Variants in WWC1 observed in about 807,000 individuals in gnomAD.
The protein encoded by WWC1 is protein KIBRA.
Under a neutral mutation model 138.4 loss-of-function variants are expected in WWC1, and 55 were observed. That is an observed-to-expected ratio of 0.40 (90% confidence interval 0.32 to 0.50). The LOEUF (loss-of-function observed/expected upper bound fraction) is 0.50. WWC1 is among the 20% of genes least tolerant of loss of function. The pLI, the probability that WWC1 is intolerant of heterozygous loss-of-function variation, is 0.72. For synonymous variants in WWC1, 524 were observed against 564.9 expected, an observed-to-expected ratio of 0.93 and a Z score of 1.03; for missense variants, 1,226 against 1,420.4, an observed-to-expected ratio of 0.86 and a Z score of 2.20.
At chr5:168,325,380 C>G (rs1772446452) in intron 1 of WWC1, among the ~76,000 whole-genome samples, 2 of 152,156 alleles carry the variant, frequency 1.3e-5, no homozygotes, top group Admixed American at 1.3e-4. Flanking sequence ...TTGTCAGTCT[C>G]TGGGAACTCT....
At chr5:168,303,290 G>C (rs978677404) in intron 1 of WWC1, among the ~76,000 whole-genome samples, 2 of 152,112 alleles carry the variant, frequency 1.3e-5, no homozygotes, top group African/African-American at 4.8e-5. Flanking sequence ...GGTTTTTCTT[G>C]TTCATTAAGA....
chr5:168,363,518 C>G (rs1295839226), intron 1 of WWC1, among the ~76,000 whole-genome samples: 1 of 78,388 alleles, frequency 1.3e-5, no homozygotes, highest in Non-Finnish European at 2.2e-5. Flanking sequence ...GAGCCAGACT[C>G]TGTCTCAAAA....
intron 1 of WWC1, among the ~76,000 whole-genome samples, chr5:168,366,673 A>C (rs1776314758): frequency 6.6e-6 from 1 of 152,132 alleles, no homozygotes; most frequent in South Asian, 2.1e-4. Context: ...AGGCTGGAAC[A>C]ATCAGTGGAG....
intron 1 of WWC1, among the ~76,000 whole-genome samples, chr5:168,361,522 A>C (rs558370137): frequency 1.3e-5 from 2 of 152,300 alleles, no homozygotes; most frequent in Non-Finnish European, 2.9e-5. Flanking sequence ...GGAAAATGCT[A>C]TCAATACCTA....
chr5:168,398,262 C>G (rs1473138215), intron 4 of WWC1, among the ~76,000 whole-genome samples: 1 of 151,946 alleles, frequency 6.6e-6, no homozygotes, highest in Non-Finnish European at 1.5e-5. Context: ...CGCCACCACA[C>G]CTGGCTAATT....
At chr5:168,319,476 A>G (rs138323148) in intron 1 of WWC1, among the ~76,000 whole-genome samples, 2 of 152,308 alleles carry the variant, frequency 1.3e-5, no homozygotes, top group East Asian at 3.9e-4. Context: ...TGTTAGGTAC[A>G]TACCCAGAAG....
At chr5:168,453,262 C>T (rs1755995110) in intron 17 of WWC1, among the ~76,000 whole-genome samples, 1 of 151,750 alleles carries the variant, frequency 6.6e-6, no homozygotes, top group Admixed American at 6.6e-5. Context: ...CTGATGCATA[C>T]AGCATTGTGG....
At chr5:168,415,410 G>A (rs757672764) in intron 9 of WWC1, 5 of 151,750 alleles carry the variant, frequency 3.3e-5, no homozygotes, top group Non-Finnish European at 5.9e-5. Flanking sequence ...AAAAGCCACC[G>A]GTTTACATTC....
At chr5:168,422,207 T>A in intron 10 of WWC1, 110 bp downstream of exon 10, 1 of 1,086,242 alleles carries the variant, frequency 9.2e-7, no homozygotes, top group Non-Finnish European at 1.4e-6. Flanking sequence ...GGCTTGAGAG[T>A]GGATGTTTAG....
chr5:168,458,215 G>T (rs1582376833), intron 19 of WWC1, among the ~76,000 whole-genome samples: 1 of 152,148 alleles, frequency 6.6e-6, no homozygotes, highest in African/African-American at 2.4e-5. Flanking sequence ...GCCCTGTAAG[G>T]TGAGTTGTGT....
At chr5:168,428,925 C>T in intron 13 of WWC1, 138 bp downstream of exon 13, 1 of 766,512 alleles carries the variant, frequency 1.3e-6, no homozygotes, top group Non-Finnish European at 2.2e-6. Context: ...GCCATTGCAG[C>T]TTCTTAACTG....
rs577390854 is a variant in WWC1, at chr5:168,307,846, G to A, written c.119+15575G>A. Among the ~76,000 whole-genome samples the A allele has an allele frequency of 2.4e-3, 362 of 152,088 alleles. 1 individual carries two copies. Among genetic ancestry groups the A allele is most frequent in the African/African-American group, 8.1e-3 (337 of 41,500 alleles). ...AGGCTGGTCTCGATCTCCTGACCTC[G>A]TGATCTGCCCACCTTGGCCTCCCAA... On this transcript the variant is annotated intron_variant, in intron 1 of 22. Transcript: ENST00000265293.
chr5:168,294,717 C>T (rs963370029), intron 1 of WWC1, among the ~76,000 whole-genome samples: 5 of 152,156 alleles, frequency 3.3e-5, no homozygotes, highest in Non-Finnish European at 5.9e-5. Flanking sequence ...AGTCTGCCTC[C>T]TGGGTTCAAG....
At chr5:168,374,745 C>A (rs1247084921) in intron 2 of WWC1, among the ~76,000 whole-genome samples, 1 of 152,144 alleles carries the variant, frequency 6.6e-6, no homozygotes, top group Non-Finnish European at 1.5e-5. Flanking sequence ...GCTGAGAATA[C>A]ACCTTATTAG....
At chr5:168,408,028 A>ACTTT (rs1779936646) in intron 6 of WWC1, among the ~76,000 whole-genome samples, 1 of 117,454 alleles carries the variant, frequency 8.5e-6, no homozygotes, top group African/African-American at 3.2e-5. Flanking sequence ...ACATCCAGCT[A>ACTTT]TTTTTTTTTT....
chr5:168,311,387 G>A (rs556461671), intron 1 of WWC1, among the ~76,000 whole-genome samples: 2 of 152,226 alleles, frequency 1.3e-5, no homozygotes, highest in South Asian at 2.1e-4. Context: ...GCTGCAACAG[G>A]GAGGTGTGAG....
At chr5:168,364,674 A>C (rs1776151553) in intron 1 of WWC1, among the ~76,000 whole-genome samples, 1 of 152,182 alleles carries the variant, frequency 6.6e-6, no homozygotes, top group African/African-American at 2.4e-5. Context: ...TGAGGGTGGA[A>C]GGATGAGAGT....
intron 1 of WWC1, among the ~76,000 whole-genome samples, chr5:168,339,857 CTT>C (rs1773847661): frequency 7.5e-6 from 1 of 132,922 alleles, no homozygotes; most frequent in Non-Finnish European, 1.6e-5. Context: ...TTCTTTCTCT[CTT>C]TCTCTCTCTC....
chr5:168,328,475 A>G (rs1438272851), intron 1 of WWC1, among the ~76,000 whole-genome samples: 1 of 152,164 alleles, frequency 6.6e-6, no homozygotes, highest in African/African-American at 2.4e-5. Context: ...ATGCCATGCA[A>G]CTGTAGTCAT....
Sources: allele counts gnomAD v4.1 joint callset (sites outside exome capture counted in the v4.1 genomes callset), GRCh38; gene constraint gnomAD v4.1.1; transcripts MANE v1.5; gene names NCBI Gene and HGNC (gene_info 2026-07-23, HGNC 2026-07-21).